The following CNTN4 variants were observed in gnomAD, a reference collection of about 807,000 sequenced individuals.
The protein encoded by CNTN4 is contactin 4.
A neutral mutation model predicts 122.5 loss-of-function variants in CNTN4; 77 were observed. The observed-to-expected ratio is 0.63, with a 90% CI of 0.52 to 0.76. The LOEUF (loss-of-function observed/expected upper bound fraction) is 0.76. Ranked by LOEUF, CNTN4 falls within the 30% of genes least tolerant of loss-of-function variation. The probability of loss-of-function intolerance (pLI) is 0.00; values close to 1 mark genes in which losing one functional copy is unlikely to be tolerated. For missense variants in CNTN4, 1,256 were observed against 1,259.1 expected (o/e 1.00, Z 0.04); for synonymous variants, 512 against 447.0 (o/e 1.15, Z -1.83).
chr3:2,958,961 A>G (rs2094827051), intron 13 of CNTN4, among the ~76,000 whole-genome samples: 1 of 152,156 alleles, frequency 6.6e-6, no homozygotes, highest in Non-Finnish European at 1.5e-5. Context: ...TTTGACAAAA[A>G]CCGTGCCTCC....
chr3:2,620,436 G>A (rs2081949275), intron 4 of CNTN4, among the ~76,000 whole-genome samples: 1 of 152,142 alleles, frequency 6.6e-6, no homozygotes, highest in African/African-American at 2.4e-5. Flanking sequence ...GCAGGTTGAG[G>A]CTGCAGTCAG....
intron 3 of CNTN4, among the ~76,000 whole-genome samples, chr3:2,562,425 T>G (rs1481324720): frequency 6.6e-6 from 1 of 152,128 alleles, no homozygotes; most frequent in Non-Finnish European, 1.5e-5. Flanking sequence ...TGTTCCCATC[T>G]TTATGTCCCT....
chr3:2,713,922 AGAT>A (rs2087313539), intron 4 of CNTN4, among the ~76,000 whole-genome samples: 1 of 152,224 alleles, frequency 6.6e-6, no homozygotes, highest in African/African-American at 2.4e-5. Context: ...CGTAAAATCC[AGAT>A]GATGATAATA....
chr3:2,786,448 C>T (rs2091837142), intron 6 of CNTN4, among the ~76,000 whole-genome samples: 1 of 152,200 alleles, frequency 6.6e-6, no homozygotes, highest in African/African-American at 2.4e-5. Context: ...ACCTGCTTAC[C>T]TGCGTGCTCC....
intron 3 of CNTN4, among the ~76,000 whole-genome samples, chr3:2,526,300 G>A (rs1218730669): frequency 2.0e-5 from 3 of 152,146 alleles, no homozygotes; most frequent in African/African-American, 7.2e-5. Context: ...AGAAGGAAAA[G>A]AAGCTGGTAT....
chr3:2,389,056 G>C (rs995336291), intron 3 of CNTN4, among the ~76,000 whole-genome samples: 91 of 151,880 alleles, frequency 6.0e-4, no homozygotes, highest in African/African-American at 2.2e-3. Flanking sequence ...AGCTACTCCG[G>C]AGGCTGAGGC....
chr3:2,464,020 A>G (rs1018857295), intron 3 of CNTN4, among the ~76,000 whole-genome samples: 8 of 152,074 alleles, frequency 5.3e-5, no homozygotes, highest in East Asian at 3.9e-4. Context: ...TAAAAACAAT[A>G]TTTGCACCCC....
At chr3:2,759,364 C>G (rs2090483387) in intron 6 of CNTN4, among the ~76,000 whole-genome samples, 2 of 152,122 alleles carry the variant, frequency 1.3e-5, no homozygotes. Flanking sequence ...CCATGTTGGT[C>G]TTGAACTCCT....
chr3:2,861,085 A>T (rs1471299769), intron 7 of CNTN4, among the ~76,000 whole-genome samples: 1 of 152,206 alleles, frequency 6.6e-6, no homozygotes, highest in Non-Finnish European at 1.5e-5. Context: ...TTACATTAAT[A>T]TGTTTGGTGA....
At chr3:2,199,649 T>C (rs747879351) in intron 2 of CNTN4, among the ~76,000 whole-genome samples, 31 of 152,128 alleles carry the variant, frequency 2.0e-4, no homozygotes, top group Non-Finnish European at 1.5e-5. Context: ...ATGAACAAAA[T>C]AGTCAAAATA....
intron 10 of CNTN4, among the ~76,000 whole-genome samples, chr3:2,889,541 T>C (rs755738242): frequency 6.6e-6 from 1 of 152,220 alleles, no homozygotes; most frequent in South Asian, 2.1e-4. Flanking sequence ...CTGTGTATTT[T>C]TAACTGTGTA....
At position 2,617,349 on chromosome 3, in the gene CNTN4, AAAG is replaced by A. The variant is rs563448302; in HGVS notation, c.55+45796_55+45798del. Among the ~76,000 whole-genome samples the A allele has an allele frequency of 2.7e-3, 406 of 152,238 alleles. 4 individuals carry two copies. Among genetic ancestry groups the A allele is most frequent in the African/African-American group, 9.4e-3 (392 of 41,536 alleles). ...AAAGGATATGAACAGACACTTCTCA[AAAG>A]AAGACATTTATGTAGCCAAGAAACA... On this transcript the variant is annotated intron_variant, in intron 4 of 24. Transcript: ENST00000418658.
At chr3:3,037,740 A>G in intron 18 of CNTN4, 1 of 267,520 alleles carries the variant, frequency 3.7e-6, no homozygotes, top group Non-Finnish European at 7.3e-6. Context: ...AATCCTGTTT[A>G]GAATAGAAAT....
intron 14 of CNTN4, among the ~76,000 whole-genome samples, chr3:3,023,089 T>C (rs1268394846): frequency 6.6e-6 from 1 of 152,216 alleles, no homozygotes; most frequent in African/African-American, 2.4e-5. Context: ...ACAGGGTTTG[T>C]ATTCAAATTT....
chr3:2,233,980 T>C (rs1263246546), intron 2 of CNTN4, among the ~76,000 whole-genome samples: 1 of 152,136 alleles, frequency 6.6e-6, no homozygotes, highest in East Asian at 1.9e-4. Flanking sequence ...GTAATGCTTC[T>C]TCACGATTCC....
chr3:2,510,655 G>A (rs2076860496), intron 3 of CNTN4, among the ~76,000 whole-genome samples: 2 of 152,146 alleles, frequency 1.3e-5, no homozygotes, highest in South Asian at 4.1e-4. Context: ...AATGTCTTCC[G>A]GGGCCAGCAG....
At chr3:2,632,064 G>GCA (rs35316929) in intron 4 of CNTN4, among the ~76,000 whole-genome samples, 5,941 of 143,818 alleles carry the variant, frequency 0.041, 348 homozygotes, top group African/African-American at 0.13. Flanking sequence ...ATACACATAC[G>GCA]CACACACACA....
intron 2 of CNTN4, among the ~76,000 whole-genome samples, chr3:2,275,776 C>T (rs969021404): frequency 6.6e-5 from 10 of 151,438 alleles, no homozygotes; most frequent in South Asian, 2.1e-4. Flanking sequence ...AAAAATTAGC[C>T]GGGCGTGGTG....
chr3:2,878,472 A>G (rs981139291), intron 8 of CNTN4, among the ~76,000 whole-genome samples: 1 of 152,050 alleles, frequency 6.6e-6, no homozygotes, highest in Non-Finnish European at 1.5e-5. Flanking sequence ...GTATTGGGCT[A>G]AGATTTGTGA....
Sources: allele counts gnomAD v4.1 joint callset (sites outside exome capture counted in the v4.1 genomes callset), GRCh38; gene constraint gnomAD v4.1.1; transcripts MANE v1.5; gene names NCBI Gene and HGNC (gene_info 2026-07-23, HGNC 2026-07-21).